The following RANBP2 variants were observed in gnomAD, a reference collection of about 807,000 sequenced individuals.
RANBP2 encodes the protein RAN binding protein 2, also known as E3 SUMO-protein ligase RanBP2.
RANBP2 carries 57 observed loss-of-function variants against 303.6 expected under a neutral mutation model. That is an observed-to-expected ratio of 0.19 (90% confidence interval 0.15 to 0.23). The LOEUF (loss-of-function observed/expected upper bound fraction) is 0.23. RANBP2 is among the 10% of genes least tolerant of loss of function. The probability of loss-of-function intolerance (pLI) is 1.00; values close to 1 mark genes in which losing one functional copy is unlikely to be tolerated. For missense variants in RANBP2, 3,138 were observed against 3,780.8 expected (o/e 0.83, Z 4.46); for synonymous variants, 1,167 against 1,301.5 (o/e 0.90, Z 2.23).
the RANBP2 span, among the ~76,000 whole-genome samples, chr2:109,573,027 A>T: frequency 6.6e-6 from 1 of 152,248 alleles, no homozygotes; most frequent in African/African-American, 2.4e-5. Flanking sequence ...AAGATTAGAT[A>T]ATATATACTT....
chr2:109,215,871 C>T, the RANBP2 span, among the ~76,000 whole-genome samples: 15 of 152,058 alleles, frequency 9.9e-5, no homozygotes, highest in Admixed American at 4.6e-4. Context: ...TTAGGAGTCC[C>T]GAGGAACCGG....
the RANBP2 span, among the ~76,000 whole-genome samples, chr2:109,497,088 C>T: frequency 6.6e-6 from 1 of 152,146 alleles, no homozygotes; most frequent in Non-Finnish European, 1.5e-5. Flanking sequence ...AGTGAGACCA[C>T]GTTGGAGTTC....
At chr2:108,727,417 T>A (rs1391979763) in intron 1 of RANBP2, among the ~76,000 whole-genome samples, 1 of 152,152 alleles carries the variant, frequency 6.6e-6, no homozygotes, top group African/African-American at 2.4e-5. Context: ...TTAGTTGAGA[T>A]GGACAAGACA....
chr2:108,743,148 C>T (rs1696249786), intron 7 of RANBP2, among the ~76,000 whole-genome samples: 1 of 152,226 alleles, frequency 6.6e-6, no homozygotes, highest in African/African-American at 2.4e-5. Flanking sequence ...CTATTAGAGT[C>T]TTGCTGTGTC....
the RANBP2 span, among the ~76,000 whole-genome samples, chr2:109,265,347 G>T: frequency 1.3e-5 from 2 of 152,160 alleles, no homozygotes; most frequent in Non-Finnish European, 2.9e-5. Flanking sequence ...CTGCAAAATG[G>T]AAGAAAAATT....
the RANBP2 span, chr2:109,585,246 T>C: frequency 1.3e-5 from 21 of 1,613,278 alleles, 1 homozygote; most frequent in Middle Eastern, 2.1e-3. Flanking sequence ...TGGGCAAAAA[T>C]GTGAGGATTC....
At chr2:109,414,681 C>T in the RANBP2 span, among the ~76,000 whole-genome samples, 1 of 152,182 alleles carries the variant, frequency 6.6e-6, no homozygotes, top group African/African-American at 2.4e-5. Context: ...GCATTACCAG[C>T]ACCCTCATCA....
At chr2:109,432,442 GC>G in the RANBP2 span, 1 of 1,593,762 alleles carries the variant, frequency 6.3e-7, no homozygotes, top group East Asian at 2.3e-5. Flanking sequence ...AGGAATGCCG[GC>G]CGGTCCCCTA....
chr2:108,741,082 T>C (rs1167656202), intron 7 of RANBP2, among the ~76,000 whole-genome samples: 5 of 152,230 alleles, frequency 3.3e-5, no homozygotes, highest in African/African-American at 1.2e-4. Flanking sequence ...GATAGAAGAA[T>C]ATGATTGCAA....
the RANBP2 span, among the ~76,000 whole-genome samples, chr2:108,960,957 C>T: frequency 1.9e-3 from 295 of 152,258 alleles, 1 homozygote; most frequent in Admixed American, 4.4e-3. Flanking sequence ...TTATAATGAA[C>T]GCCACAACGT....
chr2:109,437,230 G>A, the RANBP2 span: 213 of 1,490,038 alleles, frequency 1.4e-4, 1 homozygote, highest in Admixed American at 1.6e-4. Context: ...TTGGCCCAAG[G>A]CTCCAGCAGT....
rs1677103999 is a variant in RANBP2, at chr2:108,766,162, C to G, written c.5623C>G (p.Gln1875Glu). 2 of 1,612,620 alleles carry G rather than the reference C, an allele frequency of 1.2e-6. No individual in the cohort carries two copies. Among genetic ancestry groups the G allele is most frequent in the Non-Finnish European group, 1.7e-6 (2 of 1,179,996 alleles). The change falls in exon 20 of 29, where the codon CAG becomes GAG. Residue 1875 changes from glutamine (Q) to glutamate (E), a missense_variant. This residue lies in a region of RANBP2 where 348 missense variants were observed against 360.4 expected (regional missense o/e 0.97). Transcript: ENST00000283195. ...AGAAAATTCACCTTCATTTATGTTT[C>G]AGGGTTCTTCTAATACAGAATTTAA... ...DQENSPSFMF[Q>E]GSSNTEFKST...
rs1230163478 is a variant in RANBP2 at position 108,763,372 on chromosome 2, C to T, written c.2833C>T (p.Arg945Cys). Residue 945 changes from arginine (R) to cysteine (C), a missense_variant, in exon 20 of 29, where the codon CGT (arginine) becomes TGT (cysteine). By Grantham distance (180) the Arg-to-Cys change is radical. Coordinates refer to ENST00000283195, the MANE Select transcript of RANBP2 (RefSeq NM_006267.5). The part of the protein sequence containing the change: ...SQEMYGPPAL[R>C]FESPATGILS... ...GGAGATGTATGGTCCTCCTGCATTG[C>T]GTTTTGAGTCTCCTGCAACGGGAAT... 3.4e-5 allele frequency: 55 copies of T among 1,613,828 alleles called. No homozygotes were observed. Among genetic ancestry groups the T allele is most frequent in the Non-Finnish European group, 4.5e-5 (53 of 1,179,970 alleles).
At chr2:109,250,804 T>G in the RANBP2 span, among the ~76,000 whole-genome samples, 1 of 152,026 alleles carries the variant, frequency 6.6e-6, no homozygotes, top group Non-Finnish European at 1.5e-5. Context: ...GAATTAGGAT[T>G]TTCAGAATTT....
chr2:109,762,301 C>T, the RANBP2 span, among the ~76,000 whole-genome samples: 133 of 149,480 alleles, frequency 8.9e-4, 9 homozygotes, highest in South Asian at 5.7e-3. Context: ...CTTTCATTTA[C>T]AGATACCTAT....
At chr2:108,855,414 G>A in the RANBP2 span, among the ~76,000 whole-genome samples, 1 of 151,694 alleles carries the variant, frequency 6.6e-6, no homozygotes, top group Non-Finnish European at 1.5e-5. Context: ...GTGGCACTGT[G>A]ATAAAACTTT....
the RANBP2 span, among the ~76,000 whole-genome samples, chr2:109,626,055 T>C: frequency 1.3e-5 from 2 of 152,210 alleles, no homozygotes; most frequent in African/African-American, 4.8e-5. Context: ...GTTAGAAATA[T>C]GGTATAAGGG....
chr2:109,289,038 C>G, the RANBP2 span, among the ~76,000 whole-genome samples: 20 of 152,168 alleles, frequency 1.3e-4, no homozygotes, highest in Non-Finnish European at 2.5e-4. Flanking sequence ...CACTAACATT[C>G]GTTTGTCAAC....
chr2:109,338,755 A>C, the RANBP2 span, among the ~76,000 whole-genome samples: 1 of 152,066 alleles, frequency 6.6e-6, no homozygotes, highest in Non-Finnish European at 1.5e-5. Flanking sequence ...ATGGAGTTTC[A>C]CCATGTTGGC....
Sources: gnomAD v4.1 joint callset for allele counts (sites outside exome capture counted in the v4.1 genomes callset) on GRCh38, gnomAD v4.1.1 for gene constraint, gnomAD v4.1.1 regional missense constraint, MANE v1.5 for transcripts, NCBI Gene and HGNC (gene_info 2026-07-23, HGNC 2026-07-21) for gene names.